The following EIF4EBP1 variants were observed in gnomAD, a reference collection of about 807,000 sequenced individuals.
EIF4EBP1 encodes the protein eukaryotic translation initiation factor 4E-binding protein 1.
In EIF4EBP1, 5 loss-of-function variants were observed where a neutral mutation model predicts 9.2. That is an observed-to-expected ratio of 0.54 (90% CI 0.28 to 1.14). EIF4EBP1 has a LOEUF of 1.14. Ranked by LOEUF, EIF4EBP1 falls within the 50% of genes most tolerant of loss-of-function variation. EIF4EBP1 has a pLI of 0.09. For synonymous variants in EIF4EBP1, 62 were observed against 67.0 expected, an observed-to-expected ratio of 0.93 and a Z score of 0.36; for missense variants, 139 against 169.6, an observed-to-expected ratio of 0.82 and a Z score of 1.00.
At chr8:38,042,035 G>A (rs1809388210) in intron 1 of EIF4EBP1, among the ~76,000 whole-genome samples, 2 of 151,596 alleles carry the variant, frequency 1.3e-5, no homozygotes, top group South Asian at 4.2e-4. Flanking sequence ...CCATGATGCT[G>A]GACCGCTAAG....
intron 2 of EIF4EBP1, among the ~76,000 whole-genome samples, chr8:38,057,719 T>C (rs2130402539): frequency 1.3e-5 from 2 of 152,312 alleles, no homozygotes; most frequent in Middle Eastern, 3.4e-3. Context: ...GGATGCCTCC[T>C]GTTGGGCTGT....
At chr8:38,038,682 T>G (rs1450661402) in intron 1 of EIF4EBP1, among the ~76,000 whole-genome samples, 1 of 151,098 alleles carries the variant, frequency 6.6e-6, no homozygotes, top group Non-Finnish European at 1.5e-5. Flanking sequence ...AATTGTACAT[T>G]GAATTGTGAA....
intron 1 of EIF4EBP1, among the ~76,000 whole-genome samples, chr8:38,049,758 A>G (rs1809494142): frequency 6.6e-6 from 1 of 152,068 alleles, no homozygotes; most frequent in Non-Finnish European, 1.5e-5. Context: ...CTGGGATTAC[A>G]GGCGTGAGCC....
chr8:38,051,421 G>A (rs141067271), intron 1 of EIF4EBP1, among the ~76,000 whole-genome samples: 61 of 152,150 alleles, frequency 4.0e-4, no homozygotes, highest in African/African-American at 1.4e-3. Flanking sequence ...AGAGGAGTAG[G>A]AGAAAAATGT....
At chr8:38,054,100 G>A (rs1225682262) in intron 1 of EIF4EBP1, among the ~76,000 whole-genome samples, 1 of 152,166 alleles carries the variant, frequency 6.6e-6, no homozygotes, top group Non-Finnish European at 1.5e-5. Context: ...CTGGCCCCTG[G>A]GCGCTTCTTT....
At chr8:38,037,157 T>C (rs1809315066) in intron 1 of EIF4EBP1, among the ~76,000 whole-genome samples, 1 of 152,058 alleles carries the variant, frequency 6.6e-6, no homozygotes, top group Non-Finnish European at 1.5e-5. Context: ...TTTGTTTACG[T>C]GTTTGTTCCC....
Position 38,049,139 on chromosome 8 carries a change from A to G in EIF4EBP1, c.146-7942A>G, listed in dbSNP as rs191449932. Among the ~76,000 whole-genome samples, 1,245 of 151,574 alleles carry G rather than the reference A, an allele frequency of 8.2e-3. 15 individuals carry two copies. The highest frequency in any genetic ancestry group is 0.029 in the African/African-American group (1,186 of 41,400). On this transcript the variant is annotated intron_variant, in intron 1 of 2. Coordinates refer to ENST00000338825, the MANE Select transcript of EIF4EBP1 (RefSeq NM_004095.4). ...AAACTCCGTCTCAAAAAAAAAAAAA[A>G]GAAAAGAAAAGAAAAAAGAGAAGTA...
Position 38,036,184 on chromosome 8 carries a change from C to G in EIF4EBP1, c.145+5466C>G, listed in dbSNP as rs113750384. Among the ~76,000 whole-genome samples the G allele has an allele frequency of 6.6e-3, 1,004 of 151,968 alleles. 6 individuals carry two copies. The highest frequency in any genetic ancestry group is 0.023 in the African/African-American group (973 of 41,498). On this transcript the variant is annotated intron_variant, in intron 1 of 2. Transcript: ENST00000338825. ...TTATTTTTGTAGAGACAGGGTCATGCTTTGCTTCTGAGTCTGACCCTCTAG... is the reference window on the plus strand; with the variant it reads ...TTATTTTTGTAGAGACAGGGTCATGGTTTGCTTCTGAGTCTGACCCTCTAG...
chr8:38,036,092 G>A (rs184109465), intron 1 of EIF4EBP1, among the ~76,000 whole-genome samples: 95 of 151,478 alleles, frequency 6.3e-4, no homozygotes, highest in Non-Finnish European at 8.3e-4. Flanking sequence ...TGCAGCATCC[G>A]CCTCCTGAGT....
chr8:38,036,592 C>T (rs1488134686), intron 1 of EIF4EBP1, among the ~76,000 whole-genome samples: 2 of 151,992 alleles, frequency 1.3e-5, no homozygotes, highest in Admixed American at 6.6e-5. Context: ...CATAAAGTAG[C>T]GAGGCATTTT....
chr8:38,047,938 AGGCG>A lies in EIF4EBP1; in HGVS notation c.146-9140_146-9137del, dbSNP rs1159592965. Among the ~76,000 whole-genome samples, 4 of 152,154 alleles carry A rather than the reference AGGCG, an allele frequency of 2.6e-5. No individual in the cohort carries two copies. In the East Asian group the frequency reaches 7.7e-4, roughly 29 times the overall value. On this transcript the variant is annotated intron_variant, in intron 1 of 2. Coordinates refer to ENST00000338825, the MANE Select transcript of EIF4EBP1 (RefSeq NM_004095.4). ...GTAATCCCAGCTCCTCAGGAGGCTG[AGGCG>A]GGAGGATCACTTGAGCCCAGAAGTT...
At chr8:38,035,450 T>C (rs1329540556) in intron 1 of EIF4EBP1, among the ~76,000 whole-genome samples, 1 of 152,128 alleles carries the variant, frequency 6.6e-6, no homozygotes, top group Non-Finnish European at 1.5e-5. Context: ...ACTCCTGACC[T>C]CAGGTGATCC....
chr8:38,059,648 TG>T (rs1361229239), intron 2 of EIF4EBP1, among the ~76,000 whole-genome samples: 3 of 150,982 alleles, frequency 2.0e-5, no homozygotes, highest in Non-Finnish European at 4.4e-5. Flanking sequence ...GCTACTCTTT[TG>T]GGAGGCTTAG....
At chr8:38,044,264 G>A (rs577051944) in intron 1 of EIF4EBP1, among the ~76,000 whole-genome samples, 1 of 152,078 alleles carries the variant, frequency 6.6e-6, no homozygotes, top group Non-Finnish European at 1.5e-5. Context: ...AGGGCCATGC[G>A]CGGCTCAGTT....
chr8:38,057,836 G>A (rs927740990), intron 2 of EIF4EBP1, among the ~76,000 whole-genome samples: 2 of 152,142 alleles, frequency 1.3e-5, no homozygotes, highest in South Asian at 4.1e-4. Context: ...CCCACCTCCC[G>A]AGTAATTAGA....
At chr8:38,039,718 G>A (rs1050954691) in intron 1 of EIF4EBP1, among the ~76,000 whole-genome samples, 5 of 151,922 alleles carry the variant, frequency 3.3e-5, no homozygotes, top group African/African-American at 1.2e-4. Flanking sequence ...ATGCATTTTT[G>A]ACTTAAGATA....
intron 2 of EIF4EBP1, among the ~76,000 whole-genome samples, chr8:38,059,681 A>G (rs903812735): frequency 8.6e-5 from 13 of 151,506 alleles, no homozygotes; most frequent in Admixed American, 5.9e-4. Flanking sequence ...GCTTGAACCC[A>G]GGAGGCGGAG....
intron 1 of EIF4EBP1, among the ~76,000 whole-genome samples, chr8:38,053,835 G>C (rs1809556498): frequency 6.6e-6 from 1 of 152,134 alleles, no homozygotes; most frequent in Non-Finnish European, 1.5e-5. Context: ...CACTATATAA[G>C]ATACCTAGAG....
chr8:38,054,494 G>A (rs1255362850), intron 1 of EIF4EBP1, among the ~76,000 whole-genome samples: 2 of 151,868 alleles, frequency 1.3e-5, no homozygotes, highest in Non-Finnish European at 2.9e-5. Flanking sequence ...AACAAGAAGG[G>A]GGGCACTCTT....
Sources: gnomAD v4.1 joint callset for allele counts (sites outside exome capture counted in the v4.1 genomes callset) on GRCh38, gnomAD v4.1.1 for gene constraint, MANE v1.5 for transcripts, NCBI Gene and HGNC (gene_info 2026-07-23, HGNC 2026-07-21) for gene names.